Variants in ST3GAL3 observed in about 807,000 individuals in gnomAD.
The protein encoded by ST3GAL3 is ST3 beta-galactoside alpha-2,3-sialyltransferase 3.
Under a neutral mutation model 50.1 loss-of-function variants are expected in ST3GAL3, and 21 were observed. The observed-to-expected ratio is 0.42, with a 90% CI of 0.30 to 0.60. The LOEUF (loss-of-function observed/expected upper bound fraction) is 0.60. Ranked by LOEUF, ST3GAL3 falls within the 20% of genes least tolerant of loss-of-function variation. The probability of loss-of-function intolerance (pLI) is 0.19; values close to 1 mark genes in which losing one functional copy is unlikely to be tolerated. For missense variants in ST3GAL3, 353 were observed against 489.4 expected (o/e 0.72, Z 2.63); for synonymous variants, 183 against 190.0 (o/e 0.96, Z 0.30).
chr1:43,889,938 G>A (rs1041447311), intron 5 of ST3GAL3, among the ~76,000 whole-genome samples: 10 of 152,132 alleles, frequency 6.6e-5, no homozygotes, highest in African/African-American at 2.4e-4. Context: ...GCAATATAGT[G>A]AGACTCCATC....
At chr1:43,721,645 A>G (rs1338402876) in intron 1 of ST3GAL3, among the ~76,000 whole-genome samples, 1 of 151,694 alleles carries the variant, frequency 6.6e-6, no homozygotes, top group Non-Finnish European at 1.5e-5. Context: ...GCTCTTGTCC[A>G]GGCTGGAGTG....
intron 5 of ST3GAL3, among the ~76,000 whole-genome samples, chr1:43,871,039 T>C (rs999370441): frequency 6.6e-6 from 1 of 152,176 alleles, no homozygotes; most frequent in Non-Finnish European, 1.5e-5. Context: ...AGGATTCATG[T>C]GTAGGAAACA....
chr1:43,927,913 C>T (rs185764229), intron 11 of ST3GAL3, among the ~76,000 whole-genome samples: 109 of 152,286 alleles, frequency 7.2e-4, no homozygotes, highest in African/African-American at 2.6e-3. Context: ...AAGAAACGGT[C>T]ACCACTTGAG....
rs745783281 is a variant in ST3GAL3 at position 43,899,777 on chromosome 1, A to C, written c.744+50A>C. 2 of 1,546,480 alleles carry C rather than the reference A, an allele frequency of 1.3e-6. No homozygotes were observed. Among genetic ancestry groups the C allele is most frequent in the Non-Finnish European group, 1.8e-6 (2 of 1,119,672 alleles). ...TTCCCCTCTTGCCCTGGGCTTCCGC[A>C]ACTCCTAAGCAATCCCGCCCCTTGA... On this transcript the variant is annotated intron_variant, in intron 9 of 11. Coordinates refer to ENST00000347631, the MANE Select transcript of ST3GAL3 (RefSeq NM_006279.5). This position sits in a 1 kb window ranked among gnomAD's most constrained non-coding sequence, Gnocchi z 5.4.
intron 2 of ST3GAL3, among the ~76,000 whole-genome samples, chr1:43,770,570 C>A (rs529622789): frequency 6.6e-6 from 1 of 151,316 alleles, no homozygotes; most frequent in Non-Finnish European, 1.5e-5. Flanking sequence ...TGTTTTTTTT[C>A]TTTTTTTTGA....
At chr1:43,909,462 C>T (rs1044652019) in intron 9 of ST3GAL3, among the ~76,000 whole-genome samples, 4 of 152,246 alleles carry the variant, frequency 2.6e-5, no homozygotes, top group African/African-American at 7.2e-5. Context: ...TGGCATCACA[C>T]GGACCGCCCC....
At chr1:43,749,909 C>T (rs932638078) in intron 2 of ST3GAL3, among the ~76,000 whole-genome samples, 2 of 152,182 alleles carry the variant, frequency 1.3e-5, no homozygotes, top group African/African-American at 4.8e-5. Context: ...GTGGATGCAC[C>T]GTTTTAAGGT....
In ST3GAL3 at chr1:43,894,451, T is replaced by TGCC; in HGVS notation, c.375_377dup (p.Pro126dup). On this transcript the variant is annotated inframe_insertion, in exon 6 of 12. Transcript: ENST00000347631. The stretch of plus-strand genomic sequence containing the variant: ...AAGTGGGCTAGAATCCGGGAGTTCG[T>TGCC]GCCGCCTTTTGGGATCAAAGGTCAA... 1 of 1,614,152 alleles carries TGCC rather than the reference T, an allele frequency of 6.2e-7. No individual in the cohort carries two copies. Among genetic ancestry groups the TGCC allele is most frequent in the Non-Finnish European group, 8.5e-7 (1 of 1,180,018 alleles).
chr1:43,810,176 A>C (rs145105614), intron 3 of ST3GAL3, among the ~76,000 whole-genome samples: 3,141 of 152,148 alleles, frequency 0.021, 107 homozygotes, highest in African/African-American at 0.072. Flanking sequence ...TAAGAACCAA[A>C]TTTTTTTAAA....
intron 1 of ST3GAL3, among the ~76,000 whole-genome samples, chr1:43,717,173 T>C (rs538261571): frequency 6.6e-6 from 1 of 152,316 alleles, no homozygotes; most frequent in South Asian, 2.1e-4. Flanking sequence ...TCTCATAACA[T>C]CTGTTCCTTG....
chr1:43,824,722 AC>A, intron 4 of ST3GAL3: 1 of 1,613,932 alleles, frequency 6.2e-7, no homozygotes, highest in Non-Finnish European at 8.5e-7. Context: ...CCAAATTCCC[AC>A]TTTGCAGCTC....
At chr1:43,859,635 T>G (rs770311027) in intron 5 of ST3GAL3, among the ~76,000 whole-genome samples, 2 of 152,134 alleles carry the variant, frequency 1.3e-5, no homozygotes, top group African/African-American at 4.8e-5. Flanking sequence ...CCCCTTCAGA[T>G]AGTGTGTCTG....
chr1:43,807,511 T>G (rs1009552726), intron 3 of ST3GAL3, among the ~76,000 whole-genome samples: 12 of 152,180 alleles, frequency 7.9e-5, no homozygotes, highest in Non-Finnish European at 1.6e-4. Flanking sequence ...GAGATTGGGA[T>G]TTGTTCTGAG....
chr1:43,810,765 A>T (rs2060464616), intron 3 of ST3GAL3, among the ~76,000 whole-genome samples: 1 of 152,132 alleles, frequency 6.6e-6, no homozygotes, highest in African/African-American at 2.4e-5. Context: ...CGAGGGGCGA[A>T]TGCAATCCCT....
chr1:43,731,838 A>C (rs960549234), intron 1 of ST3GAL3, among the ~76,000 whole-genome samples: 1 of 151,606 alleles, frequency 6.6e-6, no homozygotes, highest in Non-Finnish European at 1.5e-5. Flanking sequence ...GGCCCTGACT[A>C]ATTTTTAAAA....
chr1:43,815,005 G>T, intron 4 of ST3GAL3, 72 bp downstream of exon 4: 1 of 1,461,006 alleles, frequency 6.8e-7, no homozygotes, highest in Non-Finnish European at 9.6e-7. Context: ...ACTTTGAAGG[G>T]TCAGCTCTCA....
At chr1:43,841,567 G>A (rs1197919330) in intron 5 of ST3GAL3, 1 of 152,294 alleles carries the variant, frequency 6.6e-6, no homozygotes, top group Non-Finnish European at 1.5e-5. Flanking sequence ...AATGTGGGGA[G>A]CAGTGTCCTG....
At chr1:43,801,426 C>G in intron 3 of ST3GAL3, 1 of 455,198 alleles carries the variant, frequency 2.2e-6, no homozygotes, top group South Asian at 1.6e-5. Context: ...GCTCAGTAGC[C>G]TGAAGGTGAG....
rs1484007076 is a variant in ST3GAL3 at position 43,857,514 on chromosome 1, C to G, written c.302+19203C>G. 2.7e-5 allele frequency among the ~76,000 whole-genome samples: 4 copies of G among 145,618 alleles called. 1 individual carries two copies. The highest frequency in any genetic ancestry group is 1.0e-4 in the African/African-American group (4 of 39,448). ...TTCCTTCCTTCCCTCTTCCTTCCTT[C>G]CTTCCTTCCCTCCTCCTTCCCTCCC... is the stretch of plus-strand genomic sequence containing the variant. On this transcript the variant is annotated intron_variant, in intron 5 of 11. Coordinates refer to ENST00000347631, the MANE Select transcript of ST3GAL3 (RefSeq NM_006279.5).
Sources: gnomAD v4.1 joint callset for allele counts (sites outside exome capture counted in the v4.1 genomes callset) on GRCh38, gnomAD v4.1.1 for gene constraint, Gnocchi (gnomAD v3.1) non-coding constraint, MANE v1.5 for transcripts, NCBI Gene and HGNC (gene_info 2026-07-23, HGNC 2026-07-21) for gene names.